The following RFX8 variants were observed in gnomAD, a reference collection of about 807,000 sequenced individuals.
RFX8 encodes DNA-binding protein RFX8.
In RFX8, 46 loss-of-function variants were observed where a neutral mutation model predicts 54.6. The ratio of observed to expected loss-of-function variants is 0.84; its 90% CI spans 0.67 to 1.08. The LOEUF (loss-of-function observed/expected upper bound fraction) is 1.08. Among genes scored for constraint, RFX8 ranks in the 50% least tolerant of loss-of-function variants. The pLI, the probability that RFX8 is intolerant of heterozygous loss-of-function variation, is 0.00. For synonymous variants in RFX8, 192 were observed against 209.5 expected, an observed-to-expected ratio of 0.92 and a Z score of 0.72; for missense variants, 536 against 562.3, an observed-to-expected ratio of 0.95 and a Z score of 0.47.
At chr2:101,444,676 C>T (rs909981447) in intron 2 of RFX8, among the ~76,000 whole-genome samples, 54 of 151,912 alleles carry the variant, frequency 3.6e-4, no homozygotes, top group African/African-American at 1.3e-3. Flanking sequence ...ATAAGTCATA[C>T]AAAAGAATCA....
intron 1 of RFX8, among the ~76,000 whole-genome samples, chr2:101,473,193 T>A (rs1384208450): frequency 2.0e-5 from 3 of 152,168 alleles, no homozygotes; most frequent in East Asian, 3.8e-4. Flanking sequence ...AGGTATTTTT[T>A]AATCAGTCTC....
chr2:101,403,660 G>C (rs781586235), intron 10 of RFX8, among the ~76,000 whole-genome samples: 2 of 152,078 alleles, frequency 1.3e-5, no homozygotes, highest in Non-Finnish European at 2.9e-5. Context: ...GGTGGCACGT[G>C]CCTGTAGTCC....
Position 101,414,927 on chromosome 2 carries a change from A to G in RFX8, c.503-15T>C. 1.3e-6 allele frequency: 2 copies of G among 1,539,206 alleles called. No individual in the cohort carries two copies. ...TAGAGTAACTTCTGTTAAGAACAAC[A>G]CACGTGGCCATTAATACAATAACTT... On this transcript the variant is annotated splice_polypyrimidine_tract_variant and intron_variant, in intron 6 of 11. Transcript: ENST00000428343.
intron 1 of RFX8, chr2:101,474,425 A>C: frequency 2.7e-6 from 1 of 376,286 alleles, no homozygotes. Context: ...GCGGGAGCCC[A>C]GTCCTCCAGG....
chr2:101,421,584 C>T, intron 4 of RFX8, 140 bp downstream of exon 4: 5 of 1,424,042 alleles, frequency 3.5e-6, no homozygotes, highest in Non-Finnish European at 3.7e-6. Flanking sequence ...AGGTACATAG[C>T]ATGTAAGCAC....
rs1247479491 is a variant in RFX8 at position 101,469,042 on chromosome 2, G to GTA, written c.-52-2144_-52-2143dup. ...GGTATATATATATACGTATATATAT[G>GTA]TATATATATATACGTATATATATGT... On this transcript the variant is annotated intron_variant, in intron 1 of 11. Transcript: ENST00000428343. Among the ~76,000 whole-genome samples the GTA allele has an allele frequency of 3.8e-4, 9 of 23,576 alleles. 1 individual carries two copies. The highest frequency in any genetic ancestry group is 3.6e-3 in the East Asian group (3 of 840). The allele number at this position is 23,576 out of a possible 152,430, so 15.5% of individuals were successfully genotyped here. A position where few individuals can be genotyped will look rare whatever the true frequency, so the allele number is the denominator to read the frequency against.
intron 6 of RFX8, among the ~76,000 whole-genome samples, chr2:101,416,442 G>A (rs184810939): frequency 5.9e-5 from 9 of 152,300 alleles, no homozygotes; most frequent in South Asian, 2.1e-4. Context: ...AGCTGGGGGC[G>A]TGGGGTCGGG....
intron 2 of RFX8, among the ~76,000 whole-genome samples, chr2:101,464,867 A>G (rs1689490680): frequency 6.6e-6 from 1 of 152,138 alleles, no homozygotes; most frequent in African/African-American, 2.4e-5. Context: ...GCTATGTTAG[A>G]AAAGGAGGTA....
chr2:101,414,429 C>G (rs1304714357), intron 7 of RFX8, among the ~76,000 whole-genome samples: 6 of 101,728 alleles, frequency 5.9e-5, no homozygotes, highest in African/African-American at 2.2e-4. Flanking sequence ...CCATGCCCAG[C>G]TAGTTTTTGT....
chr2:101,474,510 G>C, intron 1 of RFX8, 126 bp downstream of exon 1: 1 of 333,960 alleles, frequency 3.0e-6, no homozygotes, highest in Non-Finnish European at 5.4e-6. Flanking sequence ...GCCCCGCCGA[G>C]GATGCGCGGA....
rs565707399 is a variant in RFX8 at position 101,448,729 on chromosome 2, T to C, written c.72+18048A>G. Among the ~76,000 whole-genome samples the C allele has an allele frequency of 2.6e-5, 4 of 152,368 alleles. No homozygotes were observed. In the South Asian group the frequency reaches 6.2e-4, roughly 24 times the overall value. ...CACAGCAGCTGCCTCATACATAGGATGCTTTATACCAAAGGTGACCATATA... is the reference window on the plus strand; with the variant it reads ...CACAGCAGCTGCCTCATACATAGGACGCTTTATACCAAAGGTGACCATATA... On this transcript the variant is annotated intron_variant, in intron 2 of 11. Transcript: ENST00000428343.
chr2:101,426,350 AAAAC>A (rs1026808661), intron 2 of RFX8, among the ~76,000 whole-genome samples: 2 of 151,958 alleles, frequency 1.3e-5, no homozygotes, highest in Non-Finnish European at 2.9e-5. Context: ...AAATTAAAAA[AAAAC>A]AAAAACACAA....
chr2:101,400,500 G>A (rs1045130669), intron 11 of RFX8, among the ~76,000 whole-genome samples: 1 of 151,916 alleles, frequency 6.6e-6, no homozygotes, highest in African/African-American at 2.4e-5. Context: ...ACCCCCACCT[G>A]GCTCCTAGGC....
chr2:101,472,778 G>C (rs561280525), intron 1 of RFX8, among the ~76,000 whole-genome samples: 8 of 152,178 alleles, frequency 5.3e-5, no homozygotes, highest in Non-Finnish European at 1.0e-4. Flanking sequence ...AGCACTTTGG[G>C]AGGCCGAGGG....
rs555248949 is a variant in RFX8, at chr2:101,459,531, T to C, written c.72+7246A>G. On this transcript the variant is annotated intron_variant, in intron 2 of 11. Transcript: ENST00000428343. ...CCACTCCAGACCCCGTTTGCCAGGG[T>C]ATCACCAGCAGAGGCTGCAGAACAG... Among the ~76,000 whole-genome samples, 121 of 152,264 alleles carry C rather than the reference T, an allele frequency of 7.9e-4. 2 individuals are homozygous for C. In the Middle Eastern group the frequency reaches 0.01, roughly 13 times the overall value.
chr2:101,424,862 G>A (rs1472604960), intron 2 of RFX8, among the ~76,000 whole-genome samples: 3 of 152,118 alleles, frequency 2.0e-5, no homozygotes, highest in Non-Finnish European at 4.4e-5. Context: ...ACCAGGGCCC[G>A]TCAGGGGGTC....
chr2:101,447,115 C>T (rs1474982938), intron 2 of RFX8, among the ~76,000 whole-genome samples: 1 of 152,134 alleles, frequency 6.6e-6, no homozygotes, highest in African/African-American at 2.4e-5. Flanking sequence ...ATCTCTGCTC[C>T]CTTCTACTAC....
rs1279292912 is a variant in RFX8, at chr2:101,412,926, G to A, written c.707C>T (p.Pro236Leu). 1 of 1,550,570 alleles carries A rather than the reference G, an allele frequency of 6.4e-7. No homozygotes were observed. The highest frequency in any genetic ancestry group is 8.7e-7 in the Non-Finnish European group (1 of 1,146,672). ...AGAAGGAAGATTACATTTCATCTCTGGGTTGTTCTCCAGTTCATCTGCGCC... is the reference window on the plus strand; with the variant it reads ...AGAAGGAAGATTACATTTCATCTCTAGGTTGTTCTCCAGTTCATCTGCGCC... ...RSGADELENN[P>L]EMKCLRNLIS... The change falls in exon 8 of 12, where the codon CCA (proline) becomes CTA (leucine). Residue 236 changes from proline (P) to leucine (L), a missense_variant. Physicochemically the swap from Pro to Leu is moderately conservative, Grantham distance 98. Transcript: ENST00000428343.
At chr2:101,407,431 C>G (rs1685802246) in intron 9 of RFX8, among the ~76,000 whole-genome samples, 1 of 152,212 alleles carries the variant, frequency 6.6e-6, no homozygotes, top group South Asian at 2.1e-4. Flanking sequence ...GTGGCTCACG[C>G]CTATAATCCC....
Sources: gnomAD v4.1 joint callset for allele counts (sites outside exome capture counted in the v4.1 genomes callset) on GRCh38, gnomAD v4.1.1 for gene constraint, MANE v1.5 for transcripts, NCBI Gene and HGNC (gene_info 2026-07-23, HGNC 2026-07-21) for gene names.